Variants in DPP6 observed in about 807,000 individuals in gnomAD.
DPP6 encodes dipeptidyl peptidase like 6.
DPP6 carries 69 observed loss-of-function variants against 122.6 expected under a neutral mutation model. That is an observed-to-expected ratio of 0.56 (90% CI 0.46 to 0.69). The LOEUF is 0.69. DPP6 is among the 30% of genes least tolerant of loss of function. The pLI is 0.00. For missense variants in DPP6, 928 were observed against 1,116.9 expected, an observed-to-expected ratio of 0.83 and a Z score of 2.41; for synonymous variants, 418 against 433.1, an observed-to-expected ratio of 0.97 and a Z score of 0.43.
At chr7:153,811,912 G>C in the DPP6 span, among the ~76,000 whole-genome samples, 5 of 152,044 alleles carry the variant, frequency 3.3e-5, no homozygotes, top group African/African-American at 1.2e-4. Flanking sequence ...TTTTGAATGA[G>C]CGTGCTGACT....
intron 1 of DPP6, among the ~76,000 whole-genome samples, chr7:153,920,856 G>A (rs1360570534): frequency 6.6e-6 from 1 of 152,000 alleles, no homozygotes; most frequent in African/African-American, 2.4e-5. Context: ...ACCGCGCCTG[G>A]CCCTTTCTTA....
chr7:154,620,560 A>T (rs1264705696), intron 5 of DPP6, among the ~76,000 whole-genome samples: 1 of 152,216 alleles, frequency 6.6e-6, no homozygotes, highest in Non-Finnish European at 1.5e-5. Context: ...TCTTAATGAC[A>T]CAAGTGTGCA....
the DPP6 span, among the ~76,000 whole-genome samples, chr7:153,798,377 C>G: frequency 1.3e-4 from 20 of 152,210 alleles, no homozygotes; most frequent in Non-Finnish European, 2.8e-4. Context: ...GAAATGTCTT[C>G]TACCATCCCC....
intron 10 of DPP6, among the ~76,000 whole-genome samples, chr7:154,786,384 T>A (rs1457553176): frequency 6.6e-6 from 1 of 152,180 alleles, no homozygotes; most frequent in Non-Finnish European, 1.5e-5. Flanking sequence ...CCAAATCTCA[T>A]CTTGAATTGT....
At chr7:154,135,930 C>G (rs570631514) in intron 1 of DPP6, among the ~76,000 whole-genome samples, 8 of 150,396 alleles carry the variant, frequency 5.3e-5, no homozygotes, top group Non-Finnish European at 1.0e-4. Context: ...GCCCACACTT[C>G]CTCTATGCAC....
chr7:153,778,065 G>A, the DPP6 span, among the ~76,000 whole-genome samples: 1 of 148,888 alleles, frequency 6.7e-6, no homozygotes, highest in African/African-American at 2.6e-5. Context: ...AAGGCAAAAA[G>A]AATAGAGCAA....
intron 1 of DPP6, among the ~76,000 whole-genome samples, chr7:154,046,030 C>A (rs1311460425): frequency 6.6e-6 from 1 of 151,998 alleles, no homozygotes; most frequent in African/African-American, 2.4e-5. Flanking sequence ...ACTTACCCAA[C>A]AAGTATTTAT....
intron 1 of DPP6, among the ~76,000 whole-genome samples, chr7:153,911,251 G>A (rs1335582326): frequency 6.6e-6 from 1 of 152,180 alleles, no homozygotes; most frequent in East Asian, 1.9e-4. Context: ...TTTGCAGAGT[G>A]CTCTTCCTGT....
At chr7:154,839,080 G>C (rs1234572381) in intron 16 of DPP6, among the ~76,000 whole-genome samples, 3 of 152,152 alleles carry the variant, frequency 2.0e-5, no homozygotes, top group Non-Finnish European at 1.5e-5. Context: ...TGATTAAATA[G>C]TAATAAGAAC....
At chr7:154,498,238 G>A (rs1055146518) in intron 3 of DPP6, among the ~76,000 whole-genome samples, 2 of 152,208 alleles carry the variant, frequency 1.3e-5, no homozygotes, top group African/African-American at 2.4e-5. Context: ...CTTGGACTGA[G>A]CGAGGTGGAA....
At chr7:154,849,840 C>T (rs1802232914) in intron 16 of DPP6, among the ~76,000 whole-genome samples, 1 of 152,176 alleles carries the variant, frequency 6.6e-6, no homozygotes, top group South Asian at 2.1e-4. Flanking sequence ...AACATTCCTT[C>T]TATACCTACT....
chr7:154,669,532 A>G, intron 7 of DPP6, 91 bp downstream of exon 7: 3 of 1,435,222 alleles, frequency 2.1e-6, no homozygotes, highest in South Asian at 2.7e-5. Context: ...CAGCCTGTAC[A>G]TGGTGTTGTG....
At chr7:154,406,663 T>G (rs1349053989) in intron 1 of DPP6, among the ~76,000 whole-genome samples, 1 of 151,924 alleles carries the variant, frequency 6.6e-6, no homozygotes, top group African/African-American at 2.4e-5. Context: ...GTTCTCAAAG[T>G]GCAGTCTTCA....
chr7:153,916,591 T>A (rs189685016), intron 1 of DPP6, among the ~76,000 whole-genome samples: 1 of 151,690 alleles, frequency 6.6e-6, no homozygotes, highest in African/African-American at 2.4e-5. Context: ...GTATTTTTAG[T>A]AGAAACGGGG....
intron 5 of DPP6, among the ~76,000 whole-genome samples, chr7:154,574,374 GTGTA>G (rs1831328381): frequency 7.7e-6 from 1 of 129,846 alleles, no homozygotes; most frequent in African/African-American, 3.0e-5. Context: ...GTGTATGTGT[GTGTA>G]TGTGGTGTGT....
chr7:154,708,912 G>A (rs1171789473), intron 7 of DPP6, among the ~76,000 whole-genome samples: 2 of 152,074 alleles, frequency 1.3e-5, no homozygotes, highest in Admixed American at 6.5e-5. Context: ...GCTGGGCATG[G>A]TGGCACATGT....
intron 3 of DPP6, among the ~76,000 whole-genome samples, chr7:154,531,547 C>A (rs7809068): frequency 1.3e-5 from 2 of 151,974 alleles, no homozygotes; most frequent in Non-Finnish European, 2.9e-5. Flanking sequence ...AATTTCATCA[C>A]GGAAGAAAAT....
At chr7:154,128,541 A>G (rs562640002) in intron 1 of DPP6, among the ~76,000 whole-genome samples, 3,464 of 152,114 alleles carry the variant, frequency 0.023, 132 homozygotes, top group African/African-American at 0.078. Flanking sequence ...AGCTGGGACT[A>G]CAGGCGCCCG....
At chr7:154,753,025 G>T (rs994220089) in intron 8 of DPP6, among the ~76,000 whole-genome samples, 1 of 152,100 alleles carries the variant, frequency 6.6e-6, no homozygotes, top group African/African-American at 2.4e-5. Context: ...AGCTCTGGCC[G>T]CAGAGGGATT....
Sources: allele counts gnomAD v4.1 joint callset (sites outside exome capture counted in the v4.1 genomes callset), GRCh38; gene constraint gnomAD v4.1.1; transcripts MANE v1.5; gene names NCBI Gene and HGNC (gene_info 2026-07-23, HGNC 2026-07-21).